CAMK4: variants seen among roughly 807,000 people sequenced by gnomAD.
CAMK4 encodes calcium/calmodulin-dependent protein kinase type IV.
CAMK4 carries 22 observed loss-of-function variants against 44.9 expected under a neutral mutation model. That is an observed-to-expected ratio of 0.49 (90% confidence interval 0.35 to 0.70). CAMK4 has a LOEUF of 0.70. Ranked by LOEUF, CAMK4 falls within the 30% of genes least tolerant of loss-of-function variation. CAMK4 has a pLI of 0.01. For synonymous variants in CAMK4, 218 were observed against 215.4 expected (o/e 1.01, Z -0.11); for missense variants, 498 against 586.8 (o/e 0.85, Z 1.56).
chr5:111,294,750 T>C (rs1438983938), intron 1 of CAMK4, among the ~76,000 whole-genome samples: 13 of 152,106 alleles, frequency 8.5e-5, no homozygotes, highest in Non-Finnish European at 1.9e-4. Context: ...CAGAAGTCCC[T>C]TGGTGCTTGA....
chr5:111,445,309 A>G (rs1382522384), intron 5 of CAMK4, among the ~76,000 whole-genome samples: 4 of 152,202 alleles, frequency 2.6e-5, no homozygotes, highest in Admixed American at 6.5e-5. Context: ...TGTTAAGCAG[A>G]AAAAAAGCCA....
chr5:111,242,526 T>A (rs576702449), intron 1 of CAMK4, among the ~76,000 whole-genome samples: 1 of 152,250 alleles, frequency 6.6e-6, no homozygotes, highest in Non-Finnish European at 1.5e-5. Flanking sequence ...ATTTAAATCT[T>A]GTCTCTAATC....
At chr5:111,255,995 C>CAT (rs1187752309) in intron 1 of CAMK4, among the ~76,000 whole-genome samples, 2 of 152,230 alleles carry the variant, frequency 1.3e-5, no homozygotes, top group Admixed American at 6.5e-5. Context: ...TACACACACA[C>CAT]ATATATATAG....
chr5:111,392,062 G>T (rs937698392), intron 4 of CAMK4, among the ~76,000 whole-genome samples: 3 of 151,744 alleles, frequency 2.0e-5, no homozygotes, highest in Admixed American at 6.6e-5. Context: ...CTTATTCTTC[G>T]TAATTTTTGA....
chr5:111,463,924 C>CA, intron 7 of CAMK4, among the ~76,000 whole-genome samples: 1 of 151,744 alleles, frequency 6.6e-6, no homozygotes, highest in East Asian at 1.9e-4. Context: ...GGTAATATGA[C>CA]AAAAAAAGGT....
chr5:111,303,738 C>T (rs1162231728), intron 1 of CAMK4, among the ~76,000 whole-genome samples: 1 of 148,722 alleles, frequency 6.7e-6, no homozygotes, highest in Non-Finnish European at 1.5e-5. Flanking sequence ...TCAGGAAATA[C>T]AGAGAACGCC....
At chr5:111,357,068 C>G (rs1750393434) in intron 2 of CAMK4, among the ~76,000 whole-genome samples, 1 of 151,982 alleles carries the variant, frequency 6.6e-6, no homozygotes, top group African/African-American at 2.4e-5. Flanking sequence ...TGACATTTAA[C>G]CCCTTAGTAC....
intron 5 of CAMK4, among the ~76,000 whole-genome samples, chr5:111,414,855 AAAGACACAATAG>A (rs368092627): frequency 4.3e-4 from 65 of 152,342 alleles, no homozygotes; most frequent in African/African-American, 1.4e-3. Context: ...GCATTTAAAG[AAAGACACAATAG>A]AAGACATATG....
intron 7 of CAMK4, among the ~76,000 whole-genome samples, chr5:111,467,747 G>A: frequency 6.6e-6 from 1 of 152,152 alleles, no homozygotes; most frequent in East Asian, 1.9e-4. Context: ...CTTTTACACT[G>A]TTGATGGGAA....
intron 5 of CAMK4, among the ~76,000 whole-genome samples, chr5:111,412,712 G>T (rs1445187059): frequency 6.6e-6 from 1 of 152,166 alleles, no homozygotes; most frequent in East Asian, 1.9e-4. Context: ...CCAAATTGAG[G>T]ACTAGCTAGA....
chr5:111,464,964 A>C (rs1754770601), intron 7 of CAMK4, among the ~76,000 whole-genome samples: 1 of 152,108 alleles, frequency 6.6e-6, no homozygotes, highest in Admixed American at 6.5e-5. Context: ...CGGCTTTGTG[A>C]ACACTCCCAA....
At chr5:111,375,011 C>T (rs1282781780) in intron 3 of CAMK4, 99 bp downstream of exon 3, 1 of 773,624 alleles carries the variant, frequency 1.3e-6, no homozygotes, top group Non-Finnish European at 2.3e-6. Flanking sequence ...AGGGATTCTC[C>T]CACCACTGAT....
intron 2 of CAMK4, among the ~76,000 whole-genome samples, chr5:111,355,235 T>A (rs944313007): frequency 6.6e-6 from 1 of 152,042 alleles, no homozygotes; most frequent in Admixed American, 6.6e-5. Context: ...ACCTATTGAT[T>A]TTCATAGGGA....
At chr5:111,234,315 GACT>G (rs1748616914) in intron 1 of CAMK4, among the ~76,000 whole-genome samples, 1 of 152,252 alleles carries the variant, frequency 6.6e-6, no homozygotes, top group Admixed American at 6.5e-5. Context: ...TGCATCTCAA[GACT>G]ACTTGATGAA....
intron 1 of CAMK4, among the ~76,000 whole-genome samples, chr5:111,296,098 T>A (rs1011636022): frequency 6.6e-6 from 1 of 152,216 alleles, no homozygotes; most frequent in Non-Finnish European, 1.5e-5. Context: ...ATAGCCCACA[T>A]ACTTTCTTCT....
intron 4 of CAMK4, among the ~76,000 whole-genome samples, chr5:111,378,598 G>A (rs963615235): frequency 6.6e-6 from 1 of 152,072 alleles, no homozygotes; most frequent in Non-Finnish European, 1.5e-5. Context: ...CACTTCCTTA[G>A]AGCAGGTTCA....
intron 1 of CAMK4, among the ~76,000 whole-genome samples, chr5:111,274,802 A>C (rs1376738115): frequency 1.3e-5 from 2 of 152,136 alleles, no homozygotes; most frequent in Non-Finnish European, 2.9e-5. Context: ...TAAAAGAAAA[A>C]GGAGAAAGTA....
At chr5:111,431,901 C>T (rs1753457547) in intron 5 of CAMK4, among the ~76,000 whole-genome samples, 1 of 152,082 alleles carries the variant, frequency 6.6e-6, no homozygotes, top group Non-Finnish European at 1.5e-5. Flanking sequence ...AACCCTTGTA[C>T]AACGTTGTTG....
chr5:111,324,988 G>T (rs934701442), intron 1 of CAMK4, among the ~76,000 whole-genome samples: 1 of 151,422 alleles, frequency 6.6e-6, no homozygotes, highest in Non-Finnish European at 1.5e-5. Flanking sequence ...TTCCTAATGC[G>T]CTCCCTCCCC....
Sources: gnomAD v4.1 joint callset for allele counts (sites outside exome capture counted in the v4.1 genomes callset) on GRCh38, gnomAD v4.1.1 for gene constraint, MANE v1.5 for transcripts, NCBI Gene and HGNC (gene_info 2026-07-23, HGNC 2026-07-21) for gene names.